Variants in PPARGC1A observed in about 807,000 individuals in gnomAD.
PPARGC1A encodes the protein PPARG coactivator 1 alpha.
A neutral mutation model predicts 88.7 loss-of-function variants in PPARGC1A; 25 were observed. That is an observed-to-expected ratio of 0.28 (90% CI 0.21 to 0.39). The LOEUF is 0.39. Among genes scored for constraint, PPARGC1A ranks in the 10% least tolerant of loss-of-function variants. The pLI, the probability that PPARGC1A is intolerant of heterozygous loss-of-function variation, is 1.00. For synonymous variants in PPARGC1A, 363 were observed against 355.6 expected (o/e 1.02, Z -0.24); for missense variants, 880 against 968.7 (o/e 0.91, Z 1.22).
the PPARGC1A span, among the ~76,000 whole-genome samples, chr4:24,369,358 A>G: frequency 6.6e-6 from 1 of 152,190 alleles, no homozygotes. Flanking sequence ...TTCTCAGATC[A>G]TTTTCACCGA....
chr4:24,224,412 A>C, the PPARGC1A span, among the ~76,000 whole-genome samples: 1 of 152,220 alleles, frequency 6.6e-6, no homozygotes. Flanking sequence ...AGTGCATAGA[A>C]CATCCTCAAG....
chr4:24,274,451 C>T, the PPARGC1A span, among the ~76,000 whole-genome samples: 2 of 152,180 alleles, frequency 1.3e-5, no homozygotes, highest in African/African-American at 4.8e-5. Flanking sequence ...TCTCCTTCGT[C>T]GCTACTCAGT....
At chr4:24,340,716 T>C in the PPARGC1A span, among the ~76,000 whole-genome samples, 1 of 152,168 alleles carries the variant, frequency 6.6e-6, no homozygotes, top group African/African-American at 2.4e-5. Context: ...AACTGGAAAC[T>C]AACACTTTTC....
At chr4:24,459,921 C>T in the PPARGC1A span, among the ~76,000 whole-genome samples, 1 of 152,018 alleles carries the variant, frequency 6.6e-6, no homozygotes, top group Non-Finnish European at 1.5e-5. Flanking sequence ...CTGTATATGC[C>T]CAAATATAAG....
the PPARGC1A span, among the ~76,000 whole-genome samples, chr4:24,005,797 C>G: frequency 6.6e-6 from 1 of 151,954 alleles, no homozygotes; most frequent in Non-Finnish European, 1.5e-5. Flanking sequence ...AAAGATGGAG[C>G]AGAATCAAGG....
the PPARGC1A span, among the ~76,000 whole-genome samples, chr4:24,183,416 C>T: frequency 2.6e-5 from 4 of 152,280 alleles, no homozygotes; most frequent in Admixed American, 1.3e-4. Flanking sequence ...CATGTTATGT[C>T]GCCTTCCAAC....
chr4:23,917,376 C>CTTTTT, the PPARGC1A span, among the ~76,000 whole-genome samples: 1 of 132,534 alleles, frequency 7.5e-6, no homozygotes. Context: ...TTCTTTCTTT[C>CTTTTT]TTTTTTTTTT....
chr4:24,350,174 T>C, the PPARGC1A span, among the ~76,000 whole-genome samples: 1 of 152,308 alleles, frequency 6.6e-6, no homozygotes, highest in East Asian at 1.9e-4. Flanking sequence ...GCAGTCTGCT[T>C]CCTTCAGAGG....
chr4:24,272,457 CCT>C, the PPARGC1A span, among the ~76,000 whole-genome samples: 1 of 152,124 alleles, frequency 6.6e-6, no homozygotes, highest in African/African-American at 2.4e-5. Context: ...GTCATACCCC[CCT>C]GACTTACCTG....
chr4:24,379,139 A>G, the PPARGC1A span, among the ~76,000 whole-genome samples: 2 of 152,234 alleles, frequency 1.3e-5, no homozygotes, highest in Non-Finnish European at 2.9e-5. Context: ...ATACGCATCA[A>G]TAAGACATGA....
chr4:24,380,126 G>A, the PPARGC1A span, among the ~76,000 whole-genome samples: 1,150 of 151,748 alleles, frequency 7.6e-3, 13 homozygotes, highest in African/African-American at 0.026. Context: ...TTTTAATCAT[G>A]GGACATTAAT....
chr4:24,183,639 T>C, the PPARGC1A span, among the ~76,000 whole-genome samples: 1 of 152,162 alleles, frequency 6.6e-6, no homozygotes, highest in African/African-American at 2.4e-5. Context: ...TGGGACAACA[T>C]TCCCATGATA....
At chr4:24,047,376 G>A in the PPARGC1A span, among the ~76,000 whole-genome samples, 1 of 152,106 alleles carries the variant, frequency 6.6e-6, no homozygotes. Context: ...TGATTAACCT[G>A]GTCTGAAGTA....
At chr4:23,917,578 T>C in the PPARGC1A span, among the ~76,000 whole-genome samples, 29 of 152,070 alleles carry the variant, frequency 1.9e-4, no homozygotes, top group African/African-American at 6.0e-4. Context: ...CTGCCTCGGC[T>C]TCCCAAAGTG....
the PPARGC1A span, among the ~76,000 whole-genome samples, chr4:24,323,530 A>G: frequency 6.6e-6 from 1 of 151,550 alleles, no homozygotes; most frequent in Non-Finnish European, 1.5e-5. Flanking sequence ...GCCCCTGCCC[A>G]CCAGAGAACA....
the PPARGC1A span, among the ~76,000 whole-genome samples, chr4:24,095,364 G>T: frequency 6.6e-6 from 1 of 152,150 alleles, no homozygotes; most frequent in East Asian, 1.9e-4. Context: ...TGATCTGCCC[G>T]CCTCAGCCTC....
intron 2 of PPARGC1A, chr4:23,881,842 A>G (rs1316697258): frequency 1.3e-5 from 2 of 152,246 alleles, no homozygotes; most frequent in Non-Finnish European, 2.9e-5. Flanking sequence ...AGGTGAGTGC[A>G]GGTGAAAAGT....
chr4:24,306,933 AG>A, the PPARGC1A span, among the ~76,000 whole-genome samples: 1 of 152,362 alleles, frequency 6.6e-6, no homozygotes, highest in East Asian at 1.9e-4. Flanking sequence ...CATACTTTTA[AG>A]AGGATCCAGG....
At chr4:24,189,324 T>TA in the PPARGC1A span, among the ~76,000 whole-genome samples, 7 of 152,014 alleles carry the variant, frequency 4.6e-5, no homozygotes, top group South Asian at 6.2e-4. Context: ...TTTATCATAA[T>TA]AAAAAAATTG....
Sources: gnomAD v4.1 joint callset for allele counts (sites outside exome capture counted in the v4.1 genomes callset) on GRCh38, gnomAD v4.1.1 for gene constraint, MANE v1.5 for transcripts, NCBI Gene and HGNC (gene_info 2026-07-23, HGNC 2026-07-21) for gene names.